TOX3: variants seen among roughly 807,000 people sequenced by gnomAD.
The protein encoded by TOX3 is TOX high mobility group box family member 3, also known as CAG trinucleotide repeat-containing gene F9 protein.
A neutral mutation model predicts 64.3 loss-of-function variants in TOX3; 22 were observed. The observed-to-expected ratio is 0.34, with a 90% CI of 0.24 to 0.49. The LOEUF is 0.49. TOX3 is among the 20% of genes least tolerant of loss of function. The pLI is 0.99. For missense variants in TOX3, 661 were observed against 714.4 expected (o/e 0.93, Z 0.85); for synonymous variants, 291 against 273.6 (o/e 1.06, Z -0.63).
intron 1 of TOX3, among the ~76,000 whole-genome samples, chr16:52,525,917 C>T (rs571506848): frequency 1.6e-3 from 247 of 152,248 alleles, no homozygotes; most frequent in Non-Finnish European, 2.8e-3. Context: ...TATTAGTATG[C>T]CCACAAAGAA....
intron 1 of TOX3, among the ~76,000 whole-genome samples, chr16:52,497,627 G>A (rs917204744): frequency 6.6e-6 from 1 of 152,126 alleles, no homozygotes; most frequent in Non-Finnish European, 1.5e-5. Context: ...GAAACATATG[G>A]CTAGGATGTT....
intron 1 of TOX3, among the ~76,000 whole-genome samples, chr16:52,493,870 T>C (rs1325600037): frequency 1.3e-5 from 2 of 152,168 alleles, no homozygotes; most frequent in African/African-American, 4.8e-5. Flanking sequence ...CTCCTTATAT[T>C]CAATGTCAAT....
At chr16:52,460,127 A>C (rs1334044789) in intron 3 of TOX3, among the ~76,000 whole-genome samples, 1 of 152,106 alleles carries the variant, frequency 6.6e-6, no homozygotes, top group African/African-American at 2.4e-5. Context: ...TACCATACTC[A>C]AATACTTTCC....
intron 1 of TOX3, among the ~76,000 whole-genome samples, chr16:52,478,382 T>C (rs1270501025): frequency 6.6e-6 from 1 of 152,148 alleles, no homozygotes; most frequent in Non-Finnish European, 1.5e-5. Flanking sequence ...TTTACGCAGG[T>C]TTCTGCTCAA....
At chr16:52,508,522 G>A (rs553482441) in intron 1 of TOX3, among the ~76,000 whole-genome samples, 48 of 152,074 alleles carry the variant, frequency 3.2e-4, no homozygotes, top group Non-Finnish European at 4.9e-4. Context: ...ATATTGAAGC[G>A]GGGAAAAGCA....
At chr16:52,483,624 A>G (rs1196001484) in intron 1 of TOX3, among the ~76,000 whole-genome samples, 1 of 128,618 alleles carries the variant, frequency 7.8e-6, no homozygotes, top group Non-Finnish European at 1.5e-5. Context: ...GCTGGAGTGC[A>G]GTGGCGCGAT....
chr16:52,500,906 C>G (rs1317531610), intron 1 of TOX3, among the ~76,000 whole-genome samples: 1 of 152,300 alleles, frequency 6.6e-6, no homozygotes, highest in Admixed American at 6.5e-5. Flanking sequence ...CAGTTACACA[C>G]AAGAAAGTCT....
chr16:52,491,169 C>T (rs1373392992), intron 1 of TOX3, among the ~76,000 whole-genome samples: 1 of 152,108 alleles, frequency 6.6e-6, no homozygotes, highest in Non-Finnish European at 1.5e-5. Flanking sequence ...ATTCCTTCTG[C>T]TCCTCTCCTC....
intron 1 of TOX3, among the ~76,000 whole-genome samples, chr16:52,513,158 C>G (rs1962355873): frequency 6.6e-6 from 1 of 152,186 alleles, no homozygotes; most frequent in South Asian, 2.1e-4. Flanking sequence ...CACAACCTTA[C>G]TCAAAGAACA....
At chr16:52,466,981 T>A (rs1279273170) in intron 2 of TOX3, among the ~76,000 whole-genome samples, 1 of 152,214 alleles carries the variant, frequency 6.6e-6, no homozygotes, top group African/African-American at 2.4e-5. Flanking sequence ...CAATATCAGA[T>A]TAATCATTTA....
chr16:52,485,545 G>A (rs550652746), intron 1 of TOX3, among the ~76,000 whole-genome samples: 1 of 151,974 alleles, frequency 6.6e-6, no homozygotes, highest in South Asian at 2.1e-4. Flanking sequence ...TTCACTATTT[G>A]GGTAACAGGT....
At chr16:52,503,627 A>G (rs1962066832) in intron 1 of TOX3, among the ~76,000 whole-genome samples, 1 of 152,216 alleles carries the variant, frequency 6.6e-6, no homozygotes, top group African/African-American at 2.4e-5. Context: ...AGGAAAGGCA[A>G]TCAGAACCAT....
intron 1 of TOX3, among the ~76,000 whole-genome samples, chr16:52,500,398 A>T (rs2151464029): frequency 6.6e-6 from 1 of 152,356 alleles, no homozygotes; most frequent in South Asian, 2.1e-4. Flanking sequence ...TATGGGTACC[A>T]GTTAATCGGC....
intron 3 of TOX3, among the ~76,000 whole-genome samples, chr16:52,456,082 A>G (rs1960508733): frequency 6.6e-6 from 1 of 152,188 alleles, no homozygotes; most frequent in African/African-American, 2.4e-5. Flanking sequence ...ATAGCTGGCT[A>G]TGAGGCTGGA....
At chr16:52,458,149 G>C (rs1230988737) in intron 3 of TOX3, among the ~76,000 whole-genome samples, 2 of 152,082 alleles carry the variant, frequency 1.3e-5, no homozygotes, top group Non-Finnish European at 2.9e-5. Context: ...AGCAGTCTAA[G>C]TATGCTCTTA....
At chr16:52,455,361 A>G (rs896648989) in intron 3 of TOX3, among the ~76,000 whole-genome samples, 4 of 152,062 alleles carry the variant, frequency 2.6e-5, no homozygotes, top group African/African-American at 9.7e-5. Flanking sequence ...CCCACTAGAT[A>G]CCAGTAGCCG....
chr16:52,458,458 C>T (rs1309454613), intron 3 of TOX3, among the ~76,000 whole-genome samples: 2 of 152,314 alleles, frequency 1.3e-5, no homozygotes, highest in Admixed American at 1.3e-4. Flanking sequence ...ATGTGGGAAT[C>T]TAAGTGCTGT....
At position 52,465,236 on chromosome 16, in the gene TOX3, G is replaced by C. The variant is rs1318107050; in HGVS notation, c.154-1048C>G. ...TCACCGTGTTAGGCAGGATGGTCTC[G>C]ATCTCCTGACCTTGTGATCCACCCA... On this transcript the variant is annotated intron_variant, in intron 2 of 6. Transcript: ENST00000219746. 4.6e-5 allele frequency among the ~76,000 whole-genome samples: 7 copies of C among 151,318 alleles called. No individual in the cohort carries two copies. The South Asian group carries it at 1.0e-3, about 23-fold the overall frequency.
rs1959878032 is a variant in TOX3, at chr16:52,439,564, G to C, written c.1392C>G (p.Leu464=). 2 of 1,535,780 alleles carry C rather than the reference G, an allele frequency of 1.3e-6. No individual in the cohort carries two copies. Among genetic ancestry groups the C allele is most frequent in the Non-Finnish European group, 1.8e-6 (2 of 1,124,730 alleles). The part of the protein sequence containing the change: ...QQMQQMQQQQ[L]QQHQMHQQIQ... ...TTTGCTGATGCATTTGGTGCTGCTG[G>C]AGTTGCTGCTGCTGCATCTGTTGCA... Residue 464 remains leucine, a synonymous_variant, in exon 7 of 7, where the codon CTC becomes CTG. Transcript: ENST00000219746.
Sources: gnomAD v4.1 joint callset for allele counts (sites outside exome capture counted in the v4.1 genomes callset) on GRCh38, gnomAD v4.1.1 for gene constraint, MANE v1.5 for transcripts, NCBI Gene and HGNC (gene_info 2026-07-23, HGNC 2026-07-21) for gene names.